SEMA6A: variants seen among roughly 807,000 people sequenced by gnomAD.
SEMA6A encodes semaphorin-6A.
In SEMA6A, 25 loss-of-function variants were observed where a neutral mutation model predicts 96.8. The ratio of observed to expected loss-of-function variants is 0.26; its 90% CI spans 0.19 to 0.36. The LOEUF (loss-of-function observed/expected upper bound fraction) is 0.36. Ranked by LOEUF, SEMA6A falls within the 10% of genes least tolerant of loss-of-function variation. SEMA6A has a pLI of 1.00. For synonymous variants in SEMA6A, 612 were observed against 518.0 expected (o/e 1.18, Z -2.46); for missense variants, 1,363 against 1,323.1 (o/e 1.03, Z -0.47).
At chr5:116,535,866 A>G (rs1759685787) in intron 1 of SEMA6A, among the ~76,000 whole-genome samples, 2 of 152,242 alleles carry the variant, frequency 1.3e-5, no homozygotes, top group Non-Finnish European at 2.9e-5. Context: ...CTTTTATGCC[A>G]TTCTAAAGCA....
At chr5:116,530,825 C>T (rs1367112498) in intron 1 of SEMA6A, among the ~76,000 whole-genome samples, 1 of 152,138 alleles carries the variant, frequency 6.6e-6, no homozygotes, top group Admixed American at 6.6e-5. Flanking sequence ...TTCAAAAAAG[C>T]TCTCTCTGCC....
intron 6 of SEMA6A, 129 bp downstream of exon 6, chr5:116,495,284 A>T: frequency 1.4e-6 from 1 of 708,126 alleles, no homozygotes; most frequent in Non-Finnish European, 2.5e-6. Flanking sequence ...GGAGCAATAC[A>T]TTAAGTTGAA....
At chr5:116,490,387 C>G (rs1757273675) in intron 7 of SEMA6A, among the ~76,000 whole-genome samples, 1 of 152,122 alleles carries the variant, frequency 6.6e-6, no homozygotes, top group Non-Finnish European at 1.5e-5. Context: ...CAGGTGAGAG[C>G]TACCACTCCT....
intron 4 of SEMA6A, among the ~76,000 whole-genome samples, chr5:116,496,836 AG>A (rs1292728032): frequency 1.3e-5 from 2 of 152,226 alleles, no homozygotes; most frequent in African/African-American, 4.8e-5. Context: ...CCTATGGCAC[AG>A]GTTTTATTAA....
intron 1 of SEMA6A, among the ~76,000 whole-genome samples, chr5:116,541,935 A>G (rs1053972390): frequency 1.3e-5 from 2 of 152,214 alleles, no homozygotes; most frequent in African/African-American, 4.8e-5. Flanking sequence ...GTTCTTTAAG[A>G]TGCTTTATTT....
chr5:116,555,426 C>A (rs1265417918), intron 1 of SEMA6A, among the ~76,000 whole-genome samples: 1 of 152,182 alleles, frequency 6.6e-6, no homozygotes, highest in Non-Finnish European at 1.5e-5. Flanking sequence ...AGTGTTTAAA[C>A]CCCATGACTC....
chr5:116,495,401 A>G lies in SEMA6A; in HGVS notation c.444+12T>C, dbSNP rs779538854. On this transcript the variant is annotated intron_variant, in intron 6 of 18. Transcript: ENST00000343348. ...CCTGGCAGTGTGGTTCCAACCGACA[A>G]ATAGCATTTACCTTATAGTTTCTGC... 1.3e-6 allele frequency: 2 copies of G among 1,592,462 alleles called. No individual in the cohort carries two copies. Among genetic ancestry groups the G allele is most frequent in the Non-Finnish European group, 1.7e-6 (2 of 1,165,014 alleles).
chr5:116,453,980 G>A (rs745838630), intron 18 of SEMA6A, among the ~76,000 whole-genome samples: 8 of 152,084 alleles, frequency 5.3e-5, no homozygotes, highest in South Asian at 2.1e-4. Context: ...CACCCTAAGC[G>A]TGTAAGACAC....
chr5:116,550,860 A>G (rs977885243), intron 1 of SEMA6A, among the ~76,000 whole-genome samples: 2 of 152,200 alleles, frequency 1.3e-5, no homozygotes, highest in Admixed American at 6.5e-5. Context: ...GCATTGATTC[A>G]TAGATGCCCA....
At chr5:116,484,175 A>T (rs537645694) in intron 10 of SEMA6A, among the ~76,000 whole-genome samples, 2 of 152,196 alleles carry the variant, frequency 1.3e-5, no homozygotes, top group East Asian at 1.9e-4. Flanking sequence ...TCCTTTTCGG[A>T]AAGTAACACA....
chr5:116,453,544 C>A (rs928722595), intron 18 of SEMA6A, among the ~76,000 whole-genome samples: 1 of 152,076 alleles, frequency 6.6e-6, no homozygotes, highest in Non-Finnish European at 1.5e-5. Context: ...AGAGCAAGAG[C>A]TAGAAATACC....
At position 116,493,132 on chromosome 5, in the gene SEMA6A, CATT is replaced by C. The variant is rs1185290554; in HGVS notation, c.445-1305_445-1303del. ...GGCAAGAACAAGCAAGAGGTGACGGCATTATTATAAGTGTAGAATCATGGGAAA... is the reference window on the plus strand; with the variant it reads ...GGCAAGAACAAGCAAGAGGTGACGGCATTATAAGTGTAGAATCATGGGAAA... On this transcript the variant is annotated intron_variant, in intron 6 of 18. Transcript: ENST00000343348. Among the ~76,000 whole-genome samples, 3 of 152,218 alleles carry C rather than the reference CATT, an allele frequency of 2.0e-5. No individual in the cohort carries two copies. The East Asian group carries it at 5.8e-4, about 29-fold the overall frequency.
intron 7 of SEMA6A, among the ~76,000 whole-genome samples, chr5:116,489,408 C>CCCAGGGAAAGA (rs1757224878): frequency 6.6e-6 from 1 of 152,052 alleles, no homozygotes; most frequent in Admixed American, 6.6e-5. Context: ...AAGATAGATG[C>CCCAGGGAAAGA]TGATTGTGTC....
Position 116,541,623 on chromosome 5 carries a change from A to T in SEMA6A, c.-39+32562T>A, listed in dbSNP as rs530110505. 4.5e-4 allele frequency among the ~76,000 whole-genome samples: 68 copies of T among 152,298 alleles called. No individual in the cohort carries two copies. In the South Asian group the frequency reaches 0.013, roughly 30 times the overall value. On this transcript the variant is annotated intron_variant, in intron 1 of 18. Coordinates refer to ENST00000343348, the MANE Select transcript of SEMA6A (RefSeq NM_020796.5). ...TGAGGTGAGCTGATCACCTGAGGTC[A>T]GGAGATCGAGACCAGCCTGGCCAAC...
rs1580410642 is a variant in SEMA6A at position 116,478,446 on chromosome 5, G to A, written c.1427+96C>T. On this transcript the variant is annotated intron_variant, in intron 13 of 18. Transcript: ENST00000343348. ...CAGCACTAAAAAGTCATCTAAAAAT[G>A]CATAAAACCTCAGTCGGTCATGATT... 6 of 1,271,158 alleles carry A rather than the reference G, an allele frequency of 4.7e-6. No individual in the cohort carries two copies. In the South Asian group the frequency reaches 6.4e-5, roughly 14 times the overall value. The allele number at this position is 1,271,158 out of a possible 1,614,324, so 78.7% of individuals were successfully genotyped here.
intron 1 of SEMA6A, among the ~76,000 whole-genome samples, chr5:116,564,150 C>T (rs981775768): frequency 6.6e-6 from 1 of 152,162 alleles, no homozygotes; most frequent in African/African-American, 2.4e-5. Flanking sequence ...AAAATAGGCA[C>T]GTGCATTAAA....
At position 116,475,554 on chromosome 5, in the gene SEMA6A, C is replaced by A. The variant is rs997925979; in HGVS notation, c.1699G>T (p.Asp567Tyr). ...AAAAGACTGTACTTACTGTGACAGT[C>A]CCCCAGACCATCTGTATTGCCACGC... is the stretch of plus-strand genomic sequence containing the variant. ...IERGNTDGLGDCHNSFVALNG... is the reference protein window; with the variant it reads ...IERGNTDGLGYCHNSFVALNG... Residue 567 changes from aspartate (D) to tyrosine (Y), a missense_variant, in exon 16 of 19, where the codon GAC (aspartate) becomes TAC (tyrosine). Physicochemically the swap from Asp to Tyr is radical, Grantham distance 160. Around this residue, in one of 2 missense-constraint regions of SEMA6A, gnomAD observed 883 missense variants for 763.6 expected, o/e 1.16. Coordinates refer to ENST00000343348, the MANE Select transcript of SEMA6A (RefSeq NM_020796.5). 6.2e-7 allele frequency: 1 copy of A among 1,601,126 alleles called. No homozygotes were observed. The highest frequency in any genetic ancestry group is 1.7e-5 in the Admixed American group (1 of 58,540).
chr5:116,449,049 G>A (rs1035692225), intron 18 of SEMA6A, among the ~76,000 whole-genome samples: 4 of 152,146 alleles, frequency 2.6e-5, no homozygotes, highest in African/African-American at 4.8e-5. Flanking sequence ...AGGTGCTTTC[G>A]CTATTCCTGC....
At chr5:116,570,352 GT>G (rs983475830) in intron 1 of SEMA6A, among the ~76,000 whole-genome samples, 2 of 152,044 alleles carry the variant, frequency 1.3e-5, no homozygotes, top group Non-Finnish European at 2.9e-5. Flanking sequence ...AGTGGGGGGG[GT>G]TCCTGATATG....
Sources: allele counts gnomAD v4.1 joint callset (sites outside exome capture counted in the v4.1 genomes callset), GRCh38; gene constraint gnomAD v4.1.1; regional missense constraint gnomAD v4.1.1; transcripts MANE v1.5; gene names NCBI Gene and HGNC (gene_info 2026-07-23, HGNC 2026-07-21).